The following RABGAP1L variants were observed in gnomAD, a reference collection of about 807,000 sequenced individuals.
The protein encoded by RABGAP1L is RAB GTPase activating protein 1 like.
RABGAP1L carries 63 observed loss-of-function variants against 137.7 expected under a neutral mutation model. The observed-to-expected ratio is 0.46, with a 90% CI of 0.37 to 0.56. RABGAP1L has a LOEUF of 0.56. Ranked by LOEUF, RABGAP1L falls within the 20% of genes least tolerant of loss-of-function variation. The probability of loss-of-function intolerance (pLI) is 0.00; values close to 1 mark genes in which losing one functional copy is unlikely to be tolerated. For synonymous variants in RABGAP1L, 431 were observed against 433.7 expected, an observed-to-expected ratio of 0.99 and a Z score of 0.08; for missense variants, 1,095 against 1,244.0, an observed-to-expected ratio of 0.88 and a Z score of 1.80.
In RABGAP1L at chr1:174,729,867, G is replaced by A. The variant is rs183355483; in HGVS notation, c.2170-22446G>A. On this transcript the variant is annotated intron_variant, in intron 17 of 25. Transcript: ENST00000681986. ...GAAAAGGAAACACTTATACACTGTT[G>A]GTGGGAATGTAAATTCAGTTCAGCC... Among the ~76,000 whole-genome samples, 297 of 152,264 alleles carry A rather than the reference G, an allele frequency of 2.0e-3. 1 individual carries two copies. Among genetic ancestry groups the A allele is most frequent in the African/African-American group, 6.8e-3 (282 of 41,552 alleles).
At chr1:174,369,399 C>T (rs907696187) in intron 11 of RABGAP1L, among the ~76,000 whole-genome samples, 2 of 152,128 alleles carry the variant, frequency 1.3e-5, no homozygotes, top group Admixed American at 6.5e-5. Context: ...CCATGTTGCC[C>T]AGGCTGGTCT....
chr1:174,195,465 G>T (rs970288593), intron 1 of RABGAP1L, among the ~76,000 whole-genome samples: 2 of 151,950 alleles, frequency 1.3e-5, no homozygotes, highest in Non-Finnish European at 2.9e-5. Context: ...TTTCCTTCTC[G>T]TATTTTTTTG....
chr1:174,833,345 G>T (rs562190558), intron 19 of RABGAP1L, among the ~76,000 whole-genome samples: 9 of 147,146 alleles, frequency 6.1e-5, no homozygotes, highest in African/African-American at 2.2e-4. Flanking sequence ...GACTACAGGC[G>T]CATGCCACCA....
intron 11 of RABGAP1L, among the ~76,000 whole-genome samples, chr1:174,355,933 T>C (rs1683594680): frequency 6.6e-6 from 1 of 152,186 alleles, no homozygotes; most frequent in South Asian, 2.1e-4. Context: ...ATTTAAGAAA[T>C]TAAAGATGAT....
chr1:174,536,527 CTT>C (rs1323906437), intron 13 of RABGAP1L, among the ~76,000 whole-genome samples: 1 of 151,886 alleles, frequency 6.6e-6, no homozygotes, highest in African/African-American at 2.4e-5. Flanking sequence ...AAGAATTATG[CTT>C]TTTTTCCTTT....
At chr1:174,845,392 T>C (rs1693947809) in intron 19 of RABGAP1L, among the ~76,000 whole-genome samples, 1 of 99,756 alleles carries the variant, frequency 1.0e-5, no homozygotes, top group South Asian at 4.5e-4. Flanking sequence ...TATTTTGAAA[T>C]ACATCCCATC....
At chr1:174,943,932 A>G (rs1280235936) in intron 19 of RABGAP1L, among the ~76,000 whole-genome samples, 1 of 152,186 alleles carries the variant, frequency 6.6e-6, no homozygotes, top group African/African-American at 2.4e-5. Flanking sequence ...GTAAATAGTA[A>G]ATAAATATTT....
At chr1:174,981,183 T>G (rs1319680821) in intron 23 of RABGAP1L, among the ~76,000 whole-genome samples, 1 of 152,190 alleles carries the variant, frequency 6.6e-6, no homozygotes, top group African/African-American at 2.4e-5. Context: ...AACAGACCCA[T>G]CTGTTTGAAG....
intron 15 of RABGAP1L, among the ~76,000 whole-genome samples, chr1:174,697,131 A>C (rs1453624540): frequency 1.3e-5 from 2 of 152,216 alleles, no homozygotes; most frequent in Admixed American, 6.5e-5. Flanking sequence ...CCTGCACCTC[A>C]TCTGTTCAGT....
intron 11 of RABGAP1L, among the ~76,000 whole-genome samples, chr1:174,313,517 A>G (rs1473197806): frequency 2.0e-5 from 3 of 152,110 alleles, no homozygotes; most frequent in Non-Finnish European, 2.9e-5. Flanking sequence ...AACAGTGGTA[A>G]CAGTGCTCTA....
chr1:174,784,678 C>A (rs61828086), intron 18 of RABGAP1L, among the ~76,000 whole-genome samples: 1 of 152,158 alleles, frequency 6.6e-6, no homozygotes, highest in Non-Finnish European at 1.5e-5. Context: ...CAAGAATAGA[C>A]CAAACTGCAG....
At chr1:174,824,805 C>G (rs1344031684) in intron 19 of RABGAP1L, among the ~76,000 whole-genome samples, 1 of 151,950 alleles carries the variant, frequency 6.6e-6, no homozygotes, top group African/African-American at 2.4e-5. Context: ...CCCTACTGTT[C>G]CTAAAAAAAA....
chr1:174,348,015 A>G (rs963992348), intron 11 of RABGAP1L, among the ~76,000 whole-genome samples: 2 of 152,152 alleles, frequency 1.3e-5, no homozygotes, highest in African/African-American at 4.8e-5. Flanking sequence ...CTGTATTATT[A>G]TTGATAAATG....
At chr1:174,603,497 G>A (rs536298638) in intron 13 of RABGAP1L, among the ~76,000 whole-genome samples, 2 of 152,018 alleles carry the variant, frequency 1.3e-5, no homozygotes, top group African/African-American at 4.8e-5. Context: ...ACTGCCATTC[G>A]GGAACCAGGG....
At chr1:174,769,911 C>T (rs902337491) in intron 18 of RABGAP1L, among the ~76,000 whole-genome samples, 1 of 152,044 alleles carries the variant, frequency 6.6e-6, no homozygotes, top group African/African-American at 2.4e-5. Flanking sequence ...TTCAGTTCTC[C>T]CTAGTCTTTG....
intron 13 of RABGAP1L, among the ~76,000 whole-genome samples, chr1:174,617,443 A>T (rs1262299395): frequency 6.6e-6 from 1 of 152,250 alleles, no homozygotes; most frequent in Non-Finnish European, 1.5e-5. Flanking sequence ...TATTTAATTT[A>T]CTGAAGTGAC....
chr1:174,697,471 C>A (rs989711017), intron 15 of RABGAP1L, among the ~76,000 whole-genome samples: 1 of 152,134 alleles, frequency 6.6e-6, no homozygotes, highest in African/African-American at 2.4e-5. Flanking sequence ...CATGTACACA[C>A]CAACATGCCC....
chr1:174,665,125 A>AT (rs1676686440), intron 14 of RABGAP1L, among the ~76,000 whole-genome samples: 1 of 152,182 alleles, frequency 6.6e-6, no homozygotes, highest in African/African-American at 2.4e-5. Context: ...AAGAATTGGC[A>AT]TTTTATAGTT....
intron 13 of RABGAP1L, among the ~76,000 whole-genome samples, chr1:174,409,090 G>A (rs1360574100): frequency 6.6e-6 from 1 of 152,100 alleles, no homozygotes; most frequent in Admixed American, 6.6e-5. Context: ...GTTAATTTAT[G>A]TTTTCTTGCA....
Sources: gnomAD v4.1 joint callset for allele counts (sites outside exome capture counted in the v4.1 genomes callset) on GRCh38, gnomAD v4.1.1 for gene constraint, MANE v1.5 for transcripts, NCBI Gene and HGNC (gene_info 2026-07-23, HGNC 2026-07-21) for gene names.